MYLK: variants seen among roughly 807,000 people sequenced by gnomAD.
MYLK encodes the protein myosin light chain kinase.
Under a neutral mutation model 203.4 loss-of-function variants are expected in MYLK, and 106 were observed. That is an observed-to-expected ratio of 0.52 (90% confidence interval 0.45 to 0.61). The LOEUF (loss-of-function observed/expected upper bound fraction) is 0.61. Ranked by LOEUF, MYLK falls within the 20% of genes least tolerant of loss-of-function variation. The probability of loss-of-function intolerance (pLI) is 0.00; values close to 1 mark genes in which losing one functional copy is unlikely to be tolerated. For missense variants in MYLK, 2,072 were observed against 2,442.3 expected, an observed-to-expected ratio of 0.85 and a Z score of 3.20; for synonymous variants, 867 against 959.5, an observed-to-expected ratio of 0.90 and a Z score of 1.78.
At chr3:123,664,388 T>C (rs2059667368) in intron 22 of MYLK, 130 bp from the exon 23 acceptor site, 4 of 1,270,754 alleles carry the variant, frequency 3.1e-6, no homozygotes, top group Middle Eastern at 4.4e-4. Flanking sequence ...CAGTCTGGTC[T>C]GGACTCTGCC....
At chr3:123,854,459 T>G (rs140622179) in intron 2 of MYLK, among the ~76,000 whole-genome samples, 138 of 152,318 alleles carry the variant, frequency 9.1e-4, no homozygotes, top group Non-Finnish European at 1.0e-3. Context: ...ATGAATTTTT[T>G]GCATAGCTAA....
chr3:123,733,482 C>T (rs1390858590), intron 10 of MYLK, among the ~76,000 whole-genome samples: 1 of 152,156 alleles, frequency 6.6e-6, no homozygotes, highest in Non-Finnish European at 1.5e-5. Flanking sequence ...CAACAGGCTA[C>T]TGTTAGGGGT....
intron 1 of MYLK, among the ~76,000 whole-genome samples, chr3:123,877,376 C>T (rs886599365): frequency 2.0e-5 from 3 of 152,222 alleles, no homozygotes; most frequent in East Asian, 1.9e-4. Flanking sequence ...ATCAAGTGTA[C>T]GATGTATTTG....
At position 123,642,699 on chromosome 3, in the gene MYLK, T is replaced by C. The variant is rs2108133389; in HGVS notation, c.4620-2195A>G. Among the ~76,000 whole-genome samples, 1 of 152,366 alleles carries C rather than the reference T, an allele frequency of 6.6e-6. No homozygotes were observed. The highest frequency in any genetic ancestry group is 1.9e-4 in the East Asian group (1 of 5,194). On this transcript the variant is annotated intron_variant, in intron 27 of 33. Coordinates refer to ENST00000360304, the MANE Select transcript of MYLK (RefSeq NM_053025.4). This position sits in a 1 kb window ranked among gnomAD's most constrained non-coding sequence, Gnocchi z 4.2. ...AGTATTCTTAGGTCTCAGCCAGTTA[T>C]TAACATCTCTGTGCTTCATTTTCCT...
At chr3:123,685,649 C>T (rs2060428145) in intron 19 of MYLK, among the ~76,000 whole-genome samples, 1 of 149,298 alleles carries the variant, frequency 6.7e-6, no homozygotes, top group South Asian at 2.1e-4. Context: ...AAAATGATCA[C>T]TTATGAATTA....
intron 2 of MYLK, among the ~76,000 whole-genome samples, chr3:123,854,297 A>G (rs1440178409): frequency 6.6e-6 from 1 of 151,872 alleles, no homozygotes; most frequent in East Asian, 1.9e-4. Flanking sequence ...TCTGGGTACA[A>G]TTGATGACTA....
chr3:123,827,233 T>G (rs530370860), intron 3 of MYLK, among the ~76,000 whole-genome samples: 11 of 152,124 alleles, frequency 7.2e-5, no homozygotes, highest in African/African-American at 2.7e-4. Flanking sequence ...AATCAATTAA[T>G]GCAATAAAAA....
chr3:123,667,600 T>C (rs2059781500), intron 20 of MYLK, among the ~76,000 whole-genome samples: 2 of 145,340 alleles, frequency 1.4e-5, no homozygotes, highest in South Asian at 4.5e-4. Flanking sequence ...TGAGACTCTG[T>C]CTCAAAAAAA....
chr3:123,618,463 G>T, intron 33 of MYLK, 176 bp downstream of exon 33: 1 of 731,530 alleles, frequency 1.4e-6, no homozygotes, highest in Non-Finnish European at 2.3e-6. Flanking sequence ...GGAGGTGGGA[G>T]TGCAGGGCAT....
intron 3 of MYLK, among the ~76,000 whole-genome samples, chr3:123,819,989 G>A (rs768491199): frequency 6.6e-6 from 1 of 151,968 alleles, no homozygotes; most frequent in Non-Finnish European, 1.5e-5. Flanking sequence ...TAAAACTTAC[G>A]GAGAGCTTCT....
intron 19 of MYLK, among the ~76,000 whole-genome samples, chr3:123,688,880 C>G (rs1300480058): frequency 6.6e-6 from 1 of 152,206 alleles, no homozygotes; most frequent in Admixed American, 6.5e-5. Flanking sequence ...CCCCATTACC[C>G]TGCTTTGCTT....
rs558355101 is a variant in MYLK at position 123,701,102 on chromosome 3, G to C, written c.2463-97C>G. ...AGAGCAAATCCCTGAGGGTGGGAGGGTAGAGGGGAGCGGGAGGGGATGGGG... is the reference window on the plus strand; with the variant it reads ...AGAGCAAATCCCTGAGGGTGGGAGGCTAGAGGGGAGCGGGAGGGGATGGGG... On this transcript the variant is annotated intron_variant, in intron 17 of 33. Coordinates refer to ENST00000360304, the MANE Select transcript of MYLK (RefSeq NM_053025.4). 1.9e-4 allele frequency: 155 copies of C among 824,764 alleles called. 1 individual carries two copies. The South Asian group carries it at 2.1e-3, about 11-fold the overall frequency. 51.1% of individuals were successfully genotyped at this position (824,764 alleles called of 1,614,324 possible). A position where few individuals can be genotyped will look rare whatever the true frequency, so the allele number is the denominator to read the frequency against.
intron 2 of MYLK, among the ~76,000 whole-genome samples, chr3:123,853,605 G>A (rs2031066614): frequency 1.3e-5 from 2 of 152,152 alleles, no homozygotes; most frequent in South Asian, 2.1e-4. Context: ...TGATGGAGGT[G>A]TAGGGAGCAG....
chr3:123,832,034 G>A lies in MYLK; in HGVS notation c.-126-364C>T, dbSNP rs190986946. Among the ~76,000 whole-genome samples the A allele has an allele frequency of 1.1e-3, 173 of 152,310 alleles. 1 individual carries two copies. Among genetic ancestry groups the A allele is most frequent in the African/African-American group, 3.9e-3 (164 of 41,564 alleles). Reference sequence around the variant, plus strand: ...AGGTGAAAGGCAGTGCAGGTAGGTGGCTGTTGGGGCATTCTGGAGGGAGCT... The same window carrying A: ...AGGTGAAAGGCAGTGCAGGTAGGTGACTGTTGGGGCATTCTGGAGGGAGCT... On this transcript the variant is annotated intron_variant, in intron 2 of 33. Transcript: ENST00000360304.
In MYLK at chr3:123,733,104, T is replaced by A; in HGVS notation, c.1310-2A>T. 6.2e-7 allele frequency: 1 copy of A among 1,613,524 alleles called. No homozygotes were observed. The highest frequency in any genetic ancestry group is 8.5e-7 in the Non-Finnish European group (1 of 1,179,830). On this transcript the variant is annotated splice_acceptor_variant, in intron 10 of 33. Transcript: ENST00000360304. LOFTEE classifies it high-confidence loss of function. ...CTTCAGGCTTTGGAATCCCGGAAACTACAGGGCCAGGTAAAGAACGTGAGC... is the reference window on the plus strand; with the variant it reads ...CTTCAGGCTTTGGAATCCCGGAAACAACAGGGCCAGGTAAAGAACGTGAGC...
intron 29 of MYLK, among the ~76,000 whole-genome samples, chr3:123,632,723 T>G (rs1452218121): frequency 1.3e-5 from 2 of 152,134 alleles, no homozygotes; most frequent in African/African-American, 4.8e-5. Context: ...TGCTGGGTGG[T>G]GGGGTTTTAC....
At chr3:123,817,710 T>A (rs568689410) in intron 3 of MYLK, among the ~76,000 whole-genome samples, 2 of 152,172 alleles carry the variant, frequency 1.3e-5, no homozygotes, top group South Asian at 4.2e-4. Context: ...AGGCTGGTGA[T>A]TACAGGCTGA....
chr3:123,664,862 G>C (rs1416592001), intron 22 of MYLK, among the ~76,000 whole-genome samples: 1 of 152,182 alleles, frequency 6.6e-6, no homozygotes, highest in East Asian at 1.9e-4. Context: ...AAAAGAGAAA[G>C]CTACACAGAG....
At chr3:123,677,345 G>A (rs2060103279) in intron 20 of MYLK, among the ~76,000 whole-genome samples, 1 of 152,174 alleles carries the variant, frequency 6.6e-6, no homozygotes, top group Non-Finnish European at 1.5e-5. Flanking sequence ...TTTGACCAAG[G>A]CCACATATTT....
Sources: gnomAD v4.1 joint callset for allele counts (sites outside exome capture counted in the v4.1 genomes callset) on GRCh38, gnomAD v4.1.1 for gene constraint, Gnocchi (gnomAD v3.1) non-coding constraint, MANE v1.5 for transcripts, NCBI Gene and HGNC (gene_info 2026-07-23, HGNC 2026-07-21) for gene names.